Variants in ABI3BP observed in about 807,000 individuals in gnomAD.
The protein encoded by ABI3BP is target of Nesh-SH3.
A neutral mutation model predicts 268.6 loss-of-function variants in ABI3BP; 216 were observed. That is an observed-to-expected ratio of 0.80 (90% confidence interval 0.72 to 0.90). ABI3BP has a LOEUF of 0.90. Ranked by LOEUF, ABI3BP falls within the 40% of genes least tolerant of loss-of-function variation. The probability of loss-of-function intolerance (pLI) is 0.00; values close to 1 mark genes in which losing one functional copy is unlikely to be tolerated. For synonymous variants in ABI3BP, 730 were observed against 730.0 expected (o/e 1.00, Z 0.00); for missense variants, 2,090 against 2,182.4 (o/e 0.96, Z 0.84).
chr3:100,822,739 T>TA (rs915487723), intron 37 of ABI3BP, 67 bp from the exon 38 acceptor site: 96 of 1,381,892 alleles, frequency 6.9e-5, no homozygotes, highest in Middle Eastern at 1.8e-4. Flanking sequence ...CTGTGTGAGG[T>TA]AAAAAAACAT....
chr3:100,978,621 G>A (rs1199954491), intron 1 of ABI3BP, among the ~76,000 whole-genome samples: 1 of 152,150 alleles, frequency 6.6e-6, no homozygotes, highest in East Asian at 1.9e-4. Context: ...CAGCCAGCAA[G>A]TTCATCTCAA....
At chr3:100,794,458 A>G (rs1261438140) in intron 54 of ABI3BP, among the ~76,000 whole-genome samples, 6 of 151,964 alleles carry the variant, frequency 3.9e-5, no homozygotes, top group Non-Finnish European at 1.5e-5. Context: ...TCCTGTCTTC[A>G]TATTAGAGGG....
chr3:100,928,454 A>G (rs537571718), intron 1 of ABI3BP, among the ~76,000 whole-genome samples: 2 of 152,248 alleles, frequency 1.3e-5, no homozygotes, highest in East Asian at 3.9e-4. Flanking sequence ...CAGCCTCAAT[A>G]GAACCACAGA....
At chr3:100,933,994 T>A (rs1583962923) in intron 1 of ABI3BP, among the ~76,000 whole-genome samples, 1 of 152,002 alleles carries the variant, frequency 6.6e-6, no homozygotes, top group South Asian at 2.1e-4. Context: ...AATAATTTTT[T>A]AATTATACTC....
intron 1 of ABI3BP, among the ~76,000 whole-genome samples, chr3:100,967,681 A>G (rs1276671559): frequency 6.6e-6 from 1 of 152,116 alleles, no homozygotes; most frequent in Admixed American, 6.6e-5. Context: ...TCTGATTTCA[A>G]TCAATTCAAA....
rs1281560585 is a variant in ABI3BP, at chr3:100,775,285, T to C, written c.4384A>G (p.Arg1462Gly). The change falls in exon 60 of 68, where the codon AGG (arginine) becomes GGG (glycine). Residue 1462 changes from arginine to glycine, a missense_variant. Physicochemically the swap from Arg to Gly is moderately radical, Grantham distance 125 (BLOSUM62 -2). Coordinates refer to ENST00000471714, the MANE Select transcript of ABI3BP (RefSeq NM_001375547.2). The stretch of plus-strand genomic sequence containing the variant: ...CTCTCCAAGGGAGTTCCAGTAGGCC[T>C]GGGTGTTGACCTCAGGGGTGGTGTA... ...ITTPPLRSTP[R>G]PTGTPLERIE... 4 of 1,609,832 alleles carry C rather than the reference T, an allele frequency of 2.5e-6. No homozygotes were observed. The highest frequency in any genetic ancestry group is 3.4e-6 in the Non-Finnish European group (4 of 1,177,870).
At chr3:100,791,998 G>A (rs145267451) in intron 55 of ABI3BP, among the ~76,000 whole-genome samples, 29 of 151,850 alleles carry the variant, frequency 1.9e-4, no homozygotes, top group African/African-American at 7.0e-4. Context: ...TCTACCATCT[G>A]ATAGAGGCAG....
At chr3:100,795,527 T>A (rs1467767384) in intron 53 of ABI3BP, among the ~76,000 whole-genome samples, 1 of 152,030 alleles carries the variant, frequency 6.6e-6, no homozygotes, top group Non-Finnish European at 1.5e-5. Context: ...AATTGTTAAA[T>A]GGGCACCATT....
rs528624958 is a variant in ABI3BP, at chr3:100,905,178, G to A, written c.260-2492C>T. Reference sequence around the variant, plus strand: ...TCGCAAGGACAAAAAACCAAACACCGCATGTTCTCACTCATAGGTGGGAAT... The same window carrying A: ...TCGCAAGGACAAAAAACCAAACACCACATGTTCTCACTCATAGGTGGGAAT... On this transcript the variant is annotated intron_variant, in intron 2 of 67. Transcript: ENST00000471714. Among the ~76,000 whole-genome samples, 18 of 152,002 alleles carry A rather than the reference G, an allele frequency of 1.2e-4. 1 individual carries two copies. Among genetic ancestry groups the A allele is most frequent in the South Asian group, 1.0e-3 (5 of 4,804 alleles).
chr3:100,916,931 T>A (rs1260321188), intron 2 of ABI3BP, among the ~76,000 whole-genome samples: 3 of 152,154 alleles, frequency 2.0e-5, no homozygotes, highest in Non-Finnish European at 4.4e-5. Context: ...TAAACTAGGG[T>A]ACTGTTGAAA....
intron 46 of ABI3BP, among the ~76,000 whole-genome samples, 168 bp downstream of exon 46, chr3:100,812,299 C>T (rs559557658): frequency 6.6e-6 from 1 of 152,216 alleles, no homozygotes; most frequent in South Asian, 2.1e-4. Flanking sequence ...CAGATGTGAA[C>T]ACAATGTGCT....
intron 58 of ABI3BP, among the ~76,000 whole-genome samples, chr3:100,778,920 G>GC (rs2096789216): frequency 6.6e-6 from 1 of 152,104 alleles, no homozygotes; most frequent in Non-Finnish European, 1.5e-5. Flanking sequence ...AGAGATGACT[G>GC]TACACAGGTA....
chr3:100,824,838 C>A lies in ABI3BP; in HGVS notation c.2746+20G>T. On this transcript the variant is annotated intron_variant, in intron 36 of 67. Coordinates refer to ENST00000471714, the MANE Select transcript of ABI3BP (RefSeq NM_001375547.2). ...CAGGCTGCCAGGGATCACCCTTAAA[C>A]CAAGGAATCACAGATTTACCAGGTT... 2 of 1,530,150 alleles carry A rather than the reference C, an allele frequency of 1.3e-6. No homozygotes were observed. The highest frequency in any genetic ancestry group is 1.8e-6 in the Non-Finnish European group (2 of 1,141,728). The allele number at this position is 1,530,150 out of a possible 1,614,324, so 94.8% of individuals were successfully genotyped here. A position where few individuals can be genotyped will look rare whatever the true frequency, so the allele number is the denominator to read the frequency against.
At chr3:100,868,339 C>T (rs189563221) in intron 9 of ABI3BP, among the ~76,000 whole-genome samples, 26 of 152,256 alleles carry the variant, frequency 1.7e-4, no homozygotes, top group Admixed American at 1.6e-3. Flanking sequence ...TTTTGTGCTC[C>T]ACAGATACTT....
intron 3 of ABI3BP, among the ~76,000 whole-genome samples, chr3:100,901,774 A>C (rs577374220): frequency 3.3e-5 from 5 of 152,182 alleles, no homozygotes; most frequent in African/African-American, 4.8e-5. Context: ...TCAAAGAAAA[A>C]AAAAAAAAAG....
At chr3:100,776,188 C>T (rs897691685) in intron 59 of ABI3BP, among the ~76,000 whole-genome samples, 4 of 151,988 alleles carry the variant, frequency 2.6e-5, no homozygotes, top group East Asian at 1.9e-4. Flanking sequence ...TATGTTCCAC[C>T]GGGGAGAAGG....
intron 60 of ABI3BP, among the ~76,000 whole-genome samples, 160 bp downstream of exon 60, chr3:100,775,047 T>C (rs1442573955): frequency 6.6e-6 from 1 of 152,186 alleles, no homozygotes; most frequent in African/African-American, 2.4e-5. Context: ...TAAGGGAGTG[T>C]TGAAAATAAG....
intron 29 of ABI3BP, 146 bp from the exon 30 acceptor site, chr3:100,833,303 G>A: frequency 1.4e-6 from 1 of 693,338 alleles, no homozygotes; most frequent in South Asian, 2.1e-5. Context: ...GTTCTCAAGT[G>A]AGGGTACATA....
chr3:100,892,287 G>A (rs1299906709), intron 4 of ABI3BP, among the ~76,000 whole-genome samples: 3 of 152,096 alleles, frequency 2.0e-5, no homozygotes, highest in Non-Finnish European at 2.9e-5. Context: ...AGATAACAAG[G>A]AAAGGAATCA....
Sources: allele counts gnomAD v4.1 joint callset (sites outside exome capture counted in the v4.1 genomes callset), GRCh38; gene constraint gnomAD v4.1.1; transcripts MANE v1.5; gene names NCBI Gene and HGNC (gene_info 2026-07-23, HGNC 2026-07-21).